Variants in MMP17 observed in about 807,000 individuals in gnomAD.
MMP17 encodes the protein matrix metalloproteinase-17.
Under a neutral mutation model 49.1 loss-of-function variants are expected in MMP17, and 54 were observed. That is an observed-to-expected ratio of 1.10 (90% CI 0.88 to 1.38). MMP17 has a LOEUF of 1.38. MMP17 is among the 40% of genes most tolerant of loss of function. MMP17 has a pLI of 0.00. For synonymous variants in MMP17, 397 were observed against 383.1 expected (o/e 1.04, Z -0.42); for missense variants, 837 against 853.7 (o/e 0.98, Z 0.24).
At chr12:131,844,140 C>A in intron 6 of MMP17, 59 bp downstream of exon 6, 1 of 1,402,916 alleles carries the variant, frequency 7.1e-7, no homozygotes, top group Non-Finnish European at 9.7e-7. Context: ...ATCCCTGTCC[C>A]ACGCAACATT....
intron 1 of MMP17, among the ~76,000 whole-genome samples, chr12:131,834,828 GC>G (rs1337226460): frequency 1.3e-5 from 2 of 152,202 alleles, no homozygotes; most frequent in East Asian, 3.9e-4. Context: ...GGAATCAGCC[GC>G]CCCCTCCCAG....
In MMP17 at chr12:131,849,857, C is replaced by A; in HGVS notation, c.1260C>A (p.Pro420=). 6.2e-7 allele frequency: 1 copy of A among 1,614,036 alleles called. No homozygotes were observed. The highest frequency in any genetic ancestry group is 8.5e-7 in the Non-Finnish European group (1 of 1,180,018). Reference sequence around the variant, plus strand: ...ACGTAGAGGAAGGATACCCGCGCCCCGTCTCCGACTTCAGCCTCCCGCCTG... The same window carrying A: ...ACGTAGAGGAAGGATACCCGCGCCCAGTCTCCGACTTCAGCCTCCCGCCTG... The part of the protein sequence containing the change: ...DNNVEEGYPR[P]VSDFSLPPGG... The change falls in exon 9 of 10, where the codon CCC becomes CCA. Residue 420 remains proline (P), a synonymous_variant. Transcript: ENST00000360564.
intron 3 of MMP17, 55 bp downstream of exon 3, chr12:131,838,796 C>G (rs1887226517): frequency 1.1e-5 from 17 of 1,513,838 alleles, no homozygotes; most frequent in Non-Finnish European, 1.5e-5. Context: ...GGCGCGTGGC[C>G]AGGGTGAGGA....
chr12:131,842,568 G>A (rs1887470866), intron 5 of MMP17, among the ~76,000 whole-genome samples: 1 of 152,120 alleles, frequency 6.6e-6, no homozygotes, highest in African/African-American at 2.4e-5. Flanking sequence ...GAGGTCAGGA[G>A]TTTGAGACCA....
At chr12:131,848,628 C>G (rs542110856) in intron 8 of MMP17, among the ~76,000 whole-genome samples, 13 of 152,298 alleles carry the variant, frequency 8.5e-5, no homozygotes, top group African/African-American at 2.6e-4. Context: ...CTTGCTGTCC[C>G]CATGGCTCTG....
chr12:131,841,949 G>C, intron 5 of MMP17, 149 bp downstream of exon 5: 1 of 883,680 alleles, frequency 1.1e-6, no homozygotes, highest in Non-Finnish European at 1.7e-6. Context: ...GCTCTGGCCT[G>C]TCCACAGAGC....
intron 8 of MMP17, among the ~76,000 whole-genome samples, chr12:131,849,309 C>A (rs1169687781): frequency 1.3e-5 from 2 of 152,142 alleles, no homozygotes; most frequent in Non-Finnish European, 2.9e-5. Flanking sequence ...CATGGTGAAA[C>A]CCCGTCTCTA....
rs1887722377 is a variant in MMP17 at position 131,846,796 on chromosome 12, GGCAGCCACTCCC to G, written c.1204+1348_1204+1359del. On this transcript the variant is annotated intron_variant, in intron 8 of 9. Transcript: ENST00000360564. The surrounding 1 kb of genome is among the most constrained non-coding windows in gnomAD (Gnocchi z 4.6). Reference sequence around the variant, plus strand: ...TGGAGGACGTCATTCAATCCAATGTGGCAGCCACTCCCACAGTCACGGGCGGGACCCCGTTTC... The same window carrying G: ...TGGAGGACGTCATTCAATCCAATGTGACAGTCACGGGCGGGACCCCGTTTC... Among the ~76,000 whole-genome samples, 1 of 152,190 alleles carries G rather than the reference GGCAGCCACTCCC, an allele frequency of 6.6e-6. No homozygotes were observed. The highest frequency in any genetic ancestry group is 2.1e-4 in the South Asian group (1 of 4,830).
intron 1 of MMP17, among the ~76,000 whole-genome samples, chr12:131,837,063 T>C (rs1411210062): frequency 6.6e-6 from 1 of 152,214 alleles, no homozygotes; most frequent in Admixed American, 6.5e-5. Flanking sequence ...TTCCTGCTCC[T>C]ACTCAGCTCC....
chr12:131,843,956 C>A (rs1489267836), intron 5 of MMP17, 41 bp from the exon 6 acceptor site: 2 of 1,404,182 alleles, frequency 1.4e-6, no homozygotes, highest in South Asian at 2.6e-5. Context: ...GGGAGGCGGG[C>A]GTCGGGGGTT....
rs368843547 is a variant in MMP17 at position 131,851,355 on chromosome 12, G to T, written c.*81G>T. 3.0e-5 allele frequency: 37 copies of T among 1,245,280 alleles called. No homozygotes were observed. The East Asian group carries it at 4.4e-4, about 15-fold the overall frequency. The allele number at this position is 1,245,280 out of a possible 1,614,324, so 77.1% of individuals were successfully genotyped here. On this transcript the variant is annotated 3_prime_UTR_variant, in exon 10 of 10. Coordinates refer to ENST00000360564, the MANE Select transcript of MMP17 (RefSeq NM_016155.7). ...GGCAAGGACTGTGCCGGAGTCCCTGGGGGAGGTGCTGGCGCGGGATGAGGA... is the reference window on the plus strand; with the variant it reads ...GGCAAGGACTGTGCCGGAGTCCCTGTGGGAGGTGCTGGCGCGGGATGAGGA...
intron 8 of MMP17, among the ~76,000 whole-genome samples, chr12:131,849,350 GGT>G (rs1258296877): frequency 6.6e-6 from 1 of 152,202 alleles, no homozygotes; most frequent in Non-Finnish European, 1.5e-5. Flanking sequence ...TGGGTGTGGT[GGT>G]GGGCGCCTGT....
rs534409237 is a variant in MMP17, at chr12:131,829,376, A to G, written c.159+723A>G. 8.5e-5 allele frequency among the ~76,000 whole-genome samples: 13 copies of G among 152,246 alleles called. No homozygotes were observed. In the South Asian group the frequency reaches 2.3e-3, roughly 27 times the overall value. ...GGGCAGCGACGTGGCCTCTTCCTAC[A>G]GCCCCCTCCCCTGTTCCGCAGCCGG... On this transcript the variant is annotated intron_variant, in intron 1 of 9. Coordinates refer to ENST00000360564, the MANE Select transcript of MMP17 (RefSeq NM_016155.7).
chr12:131,850,058 C>A lies in MMP17; in HGVS notation c.1461C>A (p.Asp487Glu), dbSNP rs748369923. The A allele has an allele frequency of 7.5e-6, 12 of 1,607,414 alleles. No homozygotes were observed. In the East Asian group the frequency reaches 9.0e-5, roughly 12 times the overall value. ...STLDDAMRWSDGASYFFRGQE... is the reference protein window; with the variant it reads ...STLDDAMRWSEGASYFFRGQE... ...TGGACGACGCCATGCGCTGGTCCGA[C>A]GGTGAGTGCCAGCTGGGGGGACGGG... Residue 487 changes from aspartate (D) to glutamate (E), a missense_variant and splice_region_variant, in exon 9 of 10, where the codon GAC becomes GAA. Coordinates refer to ENST00000360564, the MANE Select transcript of MMP17 (RefSeq NM_016155.7).
chr12:131,850,074 G>C lies in MMP17; in HGVS notation c.1462+15G>C, dbSNP rs777087828. On this transcript the variant is annotated intron_variant, in intron 9 of 9. Coordinates refer to ENST00000360564, the MANE Select transcript of MMP17 (RefSeq NM_016155.7). ...CTGGTCCGACGGTGAGTGCCAGCTGGGGGGACGGGCCATGCGGCCTTGGTT... is the reference window on the plus strand; with the variant it reads ...CTGGTCCGACGGTGAGTGCCAGCTGCGGGGACGGGCCATGCGGCCTTGGTT... 1.3e-4 allele frequency: 202 copies of C among 1,598,818 alleles called. 2 individuals carry two copies. The highest frequency in any genetic ancestry group is 4.4e-5 in the Non-Finnish European group (51 of 1,172,308).
chr12:131,840,556 C>A lies in MMP17; in HGVS notation c.423-17C>A. 1 of 1,562,818 alleles carries A rather than the reference C, an allele frequency of 6.4e-7. No homozygotes were observed. Among genetic ancestry groups the A allele is most frequent in the Non-Finnish European group, 8.7e-7 (1 of 1,153,634 alleles). ...CCTGTTCTCCGTGACTCACTCTGGG[C>A]TGACCCCTGCCTGCAGGGTCCGGAC... On this transcript the variant is annotated splice_polypyrimidine_tract_variant and intron_variant, in intron 3 of 9. Transcript: ENST00000360564.
At chr12:131,843,049 G>T (rs1038738451) in intron 5 of MMP17, among the ~76,000 whole-genome samples, 1 of 151,942 alleles carries the variant, frequency 6.6e-6, no homozygotes, top group Non-Finnish European at 1.5e-5. Context: ...AGGCTGGAGC[G>T]CAGTGGCGCG....
intron 8 of MMP17, among the ~76,000 whole-genome samples, chr12:131,847,396 G>A (rs1452055629): frequency 6.8e-6 from 1 of 146,350 alleles, no homozygotes. Context: ...CTGGGTGACA[G>A]AGCGAGACTC....
At position 131,838,552 on chromosome 12, in the gene MMP17, C is replaced by T. The variant is rs955069599; in HGVS notation, c.293-60C>T. 8.7e-5 allele frequency: 135 copies of T among 1,551,050 alleles called. 1 individual carries two copies. The highest frequency in any genetic ancestry group is 5.4e-4 in the Admixed American group (28 of 52,082). ...CAGGGCTCCCACCCTTGCGGATGCT[C>T]GGGATCCTAGGGTGGGGAGTGAGCT... On this transcript the variant is annotated intron_variant, in intron 2 of 9. Transcript: ENST00000360564.
Sources: allele counts gnomAD v4.1 joint callset (sites outside exome capture counted in the v4.1 genomes callset), GRCh38; gene constraint gnomAD v4.1.1; non-coding constraint Gnocchi (gnomAD v3.1); transcripts MANE v1.5; gene names NCBI Gene and HGNC (gene_info 2026-07-23, HGNC 2026-07-21).